Variants in NEK1 observed in about 807,000 individuals in gnomAD.
NEK1 encodes the protein NIMA related kinase 1.
NEK1 carries 137 observed loss-of-function variants against 182.1 expected under a neutral mutation model. The ratio of observed to expected loss-of-function variants is 0.75; its 90% CI spans 0.65 to 0.87. NEK1 has a LOEUF of 0.87. NEK1 is among the 40% of genes least tolerant of loss of function. NEK1 has a pLI of 0.00. For synonymous variants in NEK1, 513 were observed against 492.2 expected, an observed-to-expected ratio of 1.04 and a Z score of -0.56; for missense variants, 1,391 against 1,494.4, an observed-to-expected ratio of 0.93 and a Z score of 1.14.
intron 18 of NEK1, among the ~76,000 whole-genome samples, chr4:169,541,519 T>C (rs939784853): frequency 5.3e-5 from 8 of 152,016 alleles, no homozygotes; most frequent in African/African-American, 9.7e-5. Context: ...CAGGCAAATA[T>C]AGGTGATTAT....
At chr4:169,532,231 T>C (rs1757789811) in intron 19 of NEK1, among the ~76,000 whole-genome samples, 3 of 152,194 alleles carry the variant, frequency 2.0e-5, no homozygotes, top group African/African-American at 7.2e-5. Context: ...TAGAATTTTA[T>C]TGCATTTAAA....
intron 26 of NEK1, among the ~76,000 whole-genome samples, chr4:169,469,946 C>CTT (rs61539003): frequency 1.7e-3 from 200 of 118,894 alleles, no homozygotes; most frequent in African/African-American, 2.4e-3. Context: ...GCAACCCCTG[C>CTT]TTTTTTTTTT....
intron 32 of NEK1, among the ~76,000 whole-genome samples, chr4:169,405,403 G>A (rs1437791830): frequency 6.6e-6 from 1 of 151,840 alleles, no homozygotes; most frequent in Non-Finnish European, 1.5e-5. Context: ...AACTTTATAG[G>A]GTACTTATCA....
intron 27 of NEK1, among the ~76,000 whole-genome samples, chr4:169,455,771 T>C (rs952617797): frequency 1.3e-5 from 2 of 151,968 alleles, no homozygotes; most frequent in Non-Finnish European, 2.9e-5. Context: ...TAGCACTGCC[T>C]AGGGGTCATC....
rs1160498936 is a variant in NEK1 at position 169,576,970 on chromosome 4, A to G, written c.978T>C (p.Asp326=). Residue 326 remains aspartate, a synonymous_variant, in exon 12 of 36, where the codon GAT becomes GAC. Coordinates refer to ENST00000507142, the MANE Select transcript of NEK1 (RefSeq NM_001199397.3). The part of the protein sequence containing the change: ...GIPLAYKKYG[D]KKLHEKKPLQ... ...GTGGTTTCTTTTCGTGTAATTTTTTATCTCCATATTTCTTATATGCTAAAG... is the reference window on the plus strand; with the variant it reads ...GTGGTTTCTTTTCGTGTAATTTTTTGTCTCCATATTTCTTATATGCTAAAG... 1 of 1,611,958 alleles carries G rather than the reference A, an allele frequency of 6.2e-7. No homozygotes were observed. The highest frequency in any genetic ancestry group is 1.3e-5 in the African/African-American group (1 of 74,878).
intron 23 of NEK1, among the ~76,000 whole-genome samples, chr4:169,502,839 C>A (rs1752626109): frequency 1.3e-5 from 2 of 152,066 alleles, no homozygotes. Context: ...GGATTCCATT[C>A]TTAGCAATCC....
At chr4:169,588,097 C>T (rs1052286396) in intron 8 of NEK1, among the ~76,000 whole-genome samples, 1 of 152,020 alleles carries the variant, frequency 6.6e-6, no homozygotes, top group African/African-American at 2.4e-5. Flanking sequence ...TTTCTACGCA[C>T]ATATTATATA....
chr4:169,445,171 A>G (rs1208348568), intron 27 of NEK1, among the ~76,000 whole-genome samples: 2 of 151,676 alleles, frequency 1.3e-5, no homozygotes, highest in Non-Finnish European at 3.0e-5. Context: ...TGTAATTTCA[A>G]TATTTTGGGA....
chr4:169,502,853 T>A (rs1752628859), intron 23 of NEK1, among the ~76,000 whole-genome samples: 1 of 152,088 alleles, frequency 6.6e-6, no homozygotes, highest in Non-Finnish European at 1.5e-5. Flanking sequence ...GCAATCCTAT[T>A]CAACATAGTA....
chr4:169,453,428 T>C (rs557939101), intron 27 of NEK1, among the ~76,000 whole-genome samples: 2 of 152,254 alleles, frequency 1.3e-5, no homozygotes, highest in South Asian at 4.1e-4. Flanking sequence ...CAATGTTGGG[T>C]ACAAGCCCCC....
chr4:169,569,344 G>A (rs1377277632), intron 12 of NEK1, among the ~76,000 whole-genome samples: 1 of 152,164 alleles, frequency 6.6e-6, no homozygotes, highest in Admixed American at 6.5e-5. Context: ...TCTGACACAT[G>A]CATACAATGT....
rs746094653 is a variant in NEK1 at position 169,585,336 on chromosome 4, A to G, written c.807+13T>C. On this transcript the variant is annotated intron_variant, in intron 10 of 35. Coordinates refer to ENST00000507142, the MANE Select transcript of NEK1 (RefSeq NM_001199397.3). ...TAACCCTACTGTTTAATTTTAAAGG[A>G]AAAAGAACTTACCTGAGGAGAGAGA... 6 of 1,606,338 alleles carry G rather than the reference A, an allele frequency of 3.7e-6. No homozygotes were observed. Among genetic ancestry groups the G allele is most frequent in the Non-Finnish European group, 5.1e-6 (6 of 1,174,972 alleles).
At chr4:169,542,000 C>A (rs992602436) in intron 18 of NEK1, among the ~76,000 whole-genome samples, 4 of 152,094 alleles carry the variant, frequency 2.6e-5, no homozygotes, top group African/African-American at 9.7e-5. Flanking sequence ...ACCATGATTT[C>A]TTTAATGATG....
At chr4:169,479,660 C>A (rs924414565) in intron 23 of NEK1, 126 bp from the exon 24 acceptor site, 30 of 758,898 alleles carry the variant, frequency 4.0e-5, no homozygotes, top group Non-Finnish European at 6.3e-5. Flanking sequence ...CCTGAATTAT[C>A]TGTTGAGCAA....
intron 19 of NEK1, among the ~76,000 whole-genome samples, chr4:169,527,421 C>T (rs1757048505): frequency 6.6e-6 from 1 of 152,080 alleles, no homozygotes; most frequent in East Asian, 1.9e-4. Context: ...TTCCTTTTCT[C>T]TGTTATTAAA....
chr4:169,480,518 A>AT lies in NEK1; in HGVS notation c.2008-985_2008-984insA, dbSNP rs964500259. 1.2e-4 allele frequency among the ~76,000 whole-genome samples: 18 copies of AT among 151,706 alleles called. 1 individual carries two copies. Among genetic ancestry groups the AT allele is most frequent in the African/African-American group, 4.3e-4 (18 of 41,390 alleles). The stretch of plus-strand genomic sequence containing the variant: ...AATAAACACCTCATTCCTAAAAAAA[A>AT]AAAAAAAAAAAAGCTAATGATTCTT... On this transcript the variant is annotated intron_variant, in intron 23 of 35. Transcript: ENST00000507142.
chr4:169,566,122 C>T (rs1763638823), intron 12 of NEK1, among the ~76,000 whole-genome samples: 1 of 151,982 alleles, frequency 6.6e-6, no homozygotes, highest in African/African-American at 2.4e-5. Flanking sequence ...ACTACAACAC[C>T]AAACAATTAA....
At chr4:169,418,455 A>G (rs1406941418) in intron 31 of NEK1, among the ~76,000 whole-genome samples, 1 of 152,234 alleles carries the variant, frequency 6.6e-6, no homozygotes. Context: ...ATAAGTCAAC[A>G]GAAGAAGATA....
Position 169,602,646 on chromosome 4 carries a change from G to T in NEK1, c.-16C>A. The T allele has an allele frequency of 7.2e-7, 1 of 1,381,168 alleles. No homozygotes were observed. Among genetic ancestry groups the T allele is most frequent in the Non-Finnish European group, 1.0e-6 (1 of 971,406 alleles). The allele number at this position is 1,381,168 out of a possible 1,614,324, so 85.6% of individuals were successfully genotyped here. ...ACTTCTCCATGATTCTTTTTCTAAG[G>T]CATCTTTACAGATATGCTAGACATT... On this transcript the variant is annotated 5_prime_UTR_variant, in exon 3 of 36. Transcript: ENST00000507142.
Sources: allele counts gnomAD v4.1 joint callset (sites outside exome capture counted in the v4.1 genomes callset), GRCh38; gene constraint gnomAD v4.1.1; transcripts MANE v1.5; gene names NCBI Gene and HGNC (gene_info 2026-07-23, HGNC 2026-07-21).